The following KLRC4 variants were observed in gnomAD, a reference collection of about 807,000 sequenced individuals.
KLRC4 encodes the protein killer cell lectin like receptor C4.
KLRC4 carries 6 observed loss-of-function variants against 14.3 expected under a neutral mutation model. That is an observed-to-expected ratio of 0.42 (90% CI 0.23 to 0.83). KLRC4 has a LOEUF of 0.83. Among genes scored for constraint, KLRC4 ranks in the 40% least tolerant of loss-of-function variants. The pLI, the probability that KLRC4 is intolerant of heterozygous loss-of-function variation, is 0.29. For missense variants in KLRC4, 158 were observed against 179.4 expected (o/e 0.88, Z 0.68); for synonymous variants, 53 against 60.5 (o/e 0.88, Z 0.57).
rs1042403600 is a variant in KLRC4, at chr12:10,409,734, T to C, written c.-159A>G. On this transcript the variant is annotated 5_prime_UTR_variant, in exon 1 of 4. Transcript: ENST00000309384. ...TTTGCTGTTGACCAATATAAAAGTC[T>C]GGTACTAATTTCCTAAAGTTTTAAA... 3 of 1,078,196 alleles carry C rather than the reference T, an allele frequency of 2.8e-6. No individual in the cohort carries two copies. In the African/African-American group the frequency reaches 4.9e-5, roughly 18 times the overall value. 66.8% of individuals were successfully genotyped at this position (1,078,196 alleles called of 1,614,324 possible). A position where few individuals can be genotyped will look rare whatever the true frequency, so the allele number is the denominator to read the frequency against.
chr12:10,408,376 C>T lies in KLRC4; in HGVS notation c.293G>A (p.Gly98Glu), dbSNP rs976566332. 1.4e-6 allele frequency: 2 copies of T among 1,431,906 alleles called. No homozygotes were observed. Among genetic ancestry groups the T allele is most frequent in the Non-Finnish European group, 1.9e-6 (2 of 1,031,732 alleles). 88.7% of individuals were successfully genotyped at this position (1,431,906 alleles called of 1,614,324 possible). Residue 98 changes from glycine (G) to glutamate (E), a missense_variant, in exon 3 of 4, where the codon GGA becomes GAA. Gly to Glu is a moderately conservative substitution (Grantham distance 98, BLOSUM62 -2). Transcript: ENST00000309384. ...GGAAAAATTGTTCTGCTCCAGTACT[C>T]CAATACCTAGAAAAATTAAAGTGAT... ...LKTIVLIPCI[G>E]VLEQNNFSLN...
At position 10,407,772 on chromosome 12, in the gene KLRC4, A is replaced by G. The variant is rs931252321; in HGVS notation, c.358T>C (p.Cys120Arg). ...RMQKARHCGH[C>R]PEEWITYSNS... Reference sequence around the variant, plus strand: ...GAATATGTAATCCACTCCTCAGGACAATGGCCACAATGACGTGCTAAATAA... The same window carrying G: ...GAATATGTAATCCACTCCTCAGGACGATGGCCACAATGACGTGCTAAATAA... Residue 120 changes from cysteine to arginine, a missense_variant, in exon 4 of 4, where the codon TGT becomes CGT. Coordinates refer to ENST00000309384, the MANE Select transcript of KLRC4 (RefSeq NM_013431.2). 12 of 1,606,384 alleles carry G rather than the reference A, an allele frequency of 7.5e-6. No homozygotes were observed. Among genetic ancestry groups the G allele is most frequent in the Admixed American group, 5.1e-5 (3 of 58,590 alleles).
At position 10,408,206 on chromosome 12, in the gene KLRC4, T is replaced by C. The variant is rs957919499; in HGVS notation, c.340+123A>G. ...ACATGCCCTCATATAATCTTTATTTTATAAACATTTATGGCTCATTGTTAT... is the reference window on the plus strand; with the variant it reads ...ACATGCCCTCATATAATCTTTATTTCATAAACATTTATGGCTCATTGTTAT... On this transcript the variant is annotated intron_variant, in intron 3 of 3. Coordinates refer to ENST00000309384, the MANE Select transcript of KLRC4 (RefSeq NM_013431.2). 23 of 641,004 alleles carry C rather than the reference T, an allele frequency of 3.6e-5. No homozygotes were observed. In the African/African-American group the frequency reaches 4.2e-4, roughly 12 times the overall value. The allele number at this position is 641,004 out of a possible 1,614,324, so 39.7% of individuals were successfully genotyped here.
rs1349625405 is a variant in KLRC4 at position 10,408,936 on chromosome 12, A to AG, written c.261_262insC (p.Thr90AsnfsTer20). 1.9e-6 allele frequency: 3 copies of AG among 1,613,684 alleles called. No individual in the cohort carries two copies. The highest frequency in any genetic ancestry group is 2.5e-6 in the Non-Finnish European group (3 of 1,179,748). On this transcript the variant is annotated frameshift_variant, in exon 2 of 4. Transcript: ENST00000309384. LOFTEE classifies it high-confidence loss of function. Reference sequence around the variant, plus strand: ...CAAGGAATAAGAACTATTGTTTTTAACACAGTGGCCATCAGGACAATGCAA... The same window carrying AG: ...CAAGGAATAAGAACTATTGTTTTTAAGCACAGTGGCCATCAGGACAATGCAA...
At position 10,408,367 on chromosome 12, in the gene KLRC4, T is replaced by A; in HGVS notation, c.302A>T (p.Glu101Val). 1 of 1,467,704 alleles carries A rather than the reference T, an allele frequency of 6.8e-7. No individual in the cohort carries two copies. The highest frequency in any genetic ancestry group is 9.5e-7 in the Non-Finnish European group (1 of 1,055,620). The allele number at this position is 1,467,704 out of a possible 1,614,324, so 90.9% of individuals were successfully genotyped here. ...IVLIPCIGVLEQNNFSLNRRM... is the reference protein window; with the variant it reads ...IVLIPCIGVLVQNNFSLNRRM... ...TCTATTCAGGGAAAAATTGTTCTGCTCCAGTACTCCAATACCTAGAAAAAT... is the reference window on the plus strand; with the variant it reads ...TCTATTCAGGGAAAAATTGTTCTGCACCAGTACTCCAATACCTAGAAAAAT... The change falls in exon 3 of 4, where the codon GAG becomes GTG. Residue 101 changes from glutamate to valine, a missense_variant. Coordinates refer to ENST00000309384, the MANE Select transcript of KLRC4 (RefSeq NM_013431.2).
Position 10,408,530 on chromosome 12 carries a change from C to A in KLRC4, c.287-148G>T. The A allele has an allele frequency of 2.5e-5, 14 of 563,070 alleles. 1 individual carries two copies. The South Asian group carries it at 3.6e-4, about 15-fold the overall frequency. The allele number at this position is 563,070 out of a possible 1,614,324, so 34.9% of individuals were successfully genotyped here. The stretch of plus-strand genomic sequence containing the variant: ...GACTTTTCTATAAAAATAATGAGAT[C>A]TTTAAAACAAATATTTTTAAAGCCA... On this transcript the variant is annotated intron_variant, in intron 2 of 3. Coordinates refer to ENST00000309384, the MANE Select transcript of KLRC4 (RefSeq NM_013431.2).
intron 1 of KLRC4, 82 bp downstream of exon 1, chr12:10,409,307 T>C: frequency 1.4e-6 from 2 of 1,380,680 alleles, no homozygotes; most frequent in South Asian, 1.3e-5. Flanking sequence ...AAGTGCAAAA[T>C]ATTCCCTAAT....
chr12:10,408,357 A>C lies in KLRC4; in HGVS notation c.312T>G (p.Asn104Lys), dbSNP rs569223328. 2.3e-4 allele frequency: 350 copies of C among 1,512,436 alleles called. 3 individuals are homozygous for C. In the South Asian group the frequency reaches 3.5e-3, roughly 15 times the overall value. The allele number at this position is 1,512,436 out of a possible 1,614,324, so 93.7% of individuals were successfully genotyped here. The part of the protein sequence containing the change: ...IPCIGVLEQN[N>K]FSLNRRMQKA... Reference sequence around the variant, plus strand: ...TCTGCATTCTTCTATTCAGGGAAAAATTGTTCTGCTCCAGTACTCCAATAC... The same window carrying C: ...TCTGCATTCTTCTATTCAGGGAAAACTTGTTCTGCTCCAGTACTCCAATAC... The change falls in exon 3 of 4, where the codon AAT (asparagine) becomes AAG (lysine). Residue 104 changes from asparagine (N) to lysine (K), a missense_variant. Physicochemically the swap from Asn to Lys is moderately conservative, Grantham distance 94 (BLOSUM62 0). Coordinates refer to ENST00000309384, the MANE Select transcript of KLRC4 (RefSeq NM_013431.2).
At chr12:10,408,818 G>C in intron 2 of KLRC4, 94 bp downstream of exon 2, 1 of 1,501,364 alleles carries the variant, frequency 6.7e-7, no homozygotes, top group Non-Finnish European at 9.2e-7. Context: ...ACATTAAACA[G>C]AGAATTCTAA....
rs1443895673 is a variant in KLRC4, at chr12:10,407,721, C to T, written c.409G>A (p.Glu137Lys). 8.1e-6 allele frequency: 13 copies of T among 1,613,850 alleles called. No homozygotes were observed. The East Asian group carries it at 2.9e-4, about 36-fold the overall frequency. Residue 137 changes from glutamate to lysine, a missense_variant, in exon 4 of 4, where the codon GAA (glutamate) becomes AAA (lysine). Glu to Lys is a moderately conservative substitution (Grantham distance 56). Transcript: ENST00000309384. ...ACTCTTTCTTCCCAAGTTCTTCTTT[C>T]CTTACCAATGTAATAACAACTGTTG... The part of the protein sequence containing the change: ...YSNSCYYIGK[E>K]RRTWEERVCW...
At chr12:10,409,345 C>T in intron 1 of KLRC4, 44 bp downstream of exon 1, 1 of 1,560,236 alleles carries the variant, frequency 6.4e-7, no homozygotes, top group South Asian at 1.1e-5. Flanking sequence ...CATTCAACTG[C>T]ACATCCTAGA....
In KLRC4 at chr12:10,409,607, T is replaced by G. The variant is rs374514366; in HGVS notation, c.-32A>C. On this transcript the variant is annotated 5_prime_UTR_variant, in exon 1 of 4. Transcript: ENST00000309384. ...AGCTGTGTGATGTCAGGGACTGTGCTCTATGATAACTGCACTTAAGAAGCT... is the reference window on the plus strand; with the variant it reads ...AGCTGTGTGATGTCAGGGACTGTGCGCTATGATAACTGCACTTAAGAAGCT... The G allele has an allele frequency of 4.3e-5, 69 of 1,587,946 alleles. No homozygotes were observed. The highest frequency in any genetic ancestry group is 5.6e-5 in the Non-Finnish European group (66 of 1,170,020).
Sources: allele counts gnomAD v4.1 joint callset, GRCh38; gene constraint gnomAD v4.1.1; transcripts MANE v1.5; gene names NCBI Gene and HGNC (gene_info 2026-07-23, HGNC 2026-07-21).